Variants in NTPCR observed in about 807,000 individuals in gnomAD.
The protein encoded by NTPCR is cancer-related nucleoside-triphosphatase.
NTPCR carries 15 observed loss-of-function variants against 19.5 expected under a neutral mutation model. The observed-to-expected ratio is 0.77, with a 90% CI of 0.51 to 1.18. The LOEUF is 1.18. Ranked by LOEUF, NTPCR falls within the 50% of genes most tolerant of loss-of-function variation. The pLI is 0.00. For synonymous variants in NTPCR, 90 were observed against 95.8 expected (o/e 0.94, Z 0.36); for missense variants, 206 against 240.4 (o/e 0.86, Z 0.95).
intron 4 of NTPCR, among the ~76,000 whole-genome samples, chr1:232,975,891 TG>T (rs1274738139): frequency 6.6e-6 from 1 of 152,260 alleles, no homozygotes; most frequent in Non-Finnish European, 1.5e-5. Context: ...ACCAAAATTC[TG>T]GCTGTTGAAT....
At chr1:232,951,023 G>A (rs1668350861) in intron 1 of NTPCR, 2 of 451,954 alleles carry the variant, frequency 4.4e-6, no homozygotes, top group South Asian at 7.0e-5. Context: ...AGCGGCAGCG[G>A]TAACTCCTAC....
chr1:232,976,363 G>T, intron 4 of NTPCR: 1 of 1,547,126 alleles, frequency 6.5e-7, no homozygotes, highest in Non-Finnish European at 8.7e-7. Context: ...TGTCATAGAA[G>T]ACCAGAGCAA....
At chr1:232,962,789 A>G (rs929441086) in intron 3 of NTPCR, 5 of 152,210 alleles carry the variant, frequency 3.3e-5, no homozygotes, top group African/African-American at 4.8e-5. Context: ...TCTTTAAAGT[A>G]TATTTGTTTT....
intron 4 of NTPCR, chr1:232,976,315 T>C (rs1204469092): frequency 2.7e-6 from 4 of 1,470,116 alleles, no homozygotes; most frequent in Non-Finnish European, 3.6e-6. Flanking sequence ...TCTTGAAATA[T>C]ACACTACCTT....
intron 3 of NTPCR, among the ~76,000 whole-genome samples, chr1:232,958,710 A>T (rs1008410882): frequency 3.9e-5 from 6 of 152,182 alleles, no homozygotes; most frequent in Non-Finnish European, 1.5e-5. Context: ...GGGAGCAGAG[A>T]ACATGGTACT....
intron 3 of NTPCR, among the ~76,000 whole-genome samples, chr1:232,960,161 C>G (rs575234990): frequency 7.5e-6 from 1 of 132,522 alleles, no homozygotes; most frequent in Admixed American, 8.7e-5. Context: ...TGGCAGTGAG[C>G]TAAGATGGCA....
intron 4 of NTPCR, among the ~76,000 whole-genome samples, chr1:232,970,644 C>T (rs1016367018): frequency 1.3e-5 from 2 of 152,130 alleles, no homozygotes; most frequent in African/African-American, 4.8e-5. Flanking sequence ...CTGCATTGCT[C>T]AGAACAGTAG....
intron 3 of NTPCR, among the ~76,000 whole-genome samples, chr1:232,956,752 C>G (rs556499409): frequency 2.0e-5 from 3 of 152,238 alleles, no homozygotes; most frequent in Admixed American, 2.0e-4. Context: ...GGTTTCACAG[C>G]ACAACAAACA....
intron 3 of NTPCR, chr1:232,963,935 AG>A (rs1345498315): frequency 6.6e-6 from 1 of 152,028 alleles, no homozygotes; most frequent in Non-Finnish European, 1.5e-5. Context: ...GCAATCATCA[AG>A]GTACTTTACT....
rs772640775 is a variant in NTPCR, at chr1:232,950,718, G to A, written c.8G>A (p.Arg3Gln). ...CTACCCCCGCCCACCAGTATGGCCC[G>A]GCACGTGTTCCTAACGGGGCCCCCA... MARHVFLTGPPGV... is the reference protein window; with the variant it reads MAQHVFLTGPPGV... Residue 3 changes from arginine to glutamine, a missense_variant, in exon 1 of 5, where the codon CGG becomes CAG. Transcript: ENST00000366628. The A allele has an allele frequency of 1.2e-6, 2 of 1,604,550 alleles. No homozygotes were observed. Among genetic ancestry groups the A allele is most frequent in the South Asian group, 2.2e-5 (2 of 90,406 alleles).
intron 4 of NTPCR, among the ~76,000 whole-genome samples, chr1:232,973,109 C>T (rs978055782): frequency 4.6e-5 from 7 of 152,166 alleles, no homozygotes; most frequent in Middle Eastern, 3.4e-3. Context: ...GCTGAACATG[C>T]GTAGTGTGAA....
At chr1:232,950,768 TC>T in intron 1 of NTPCR, 24 bp downstream of exon 1, 1 of 1,562,982 alleles carries the variant, frequency 6.4e-7, no homozygotes. Flanking sequence ...GATCCCCACC[TC>T]CAAGAGGTCG....
chr1:232,960,213 CA>C (rs755184503), intron 3 of NTPCR, among the ~76,000 whole-genome samples: 1,004 of 27,452 alleles, frequency 0.037, 3 homozygotes, highest in African/African-American at 0.11. Flanking sequence ...GACTCCATCT[CA>C]AAAAAAAAAA....
At chr1:232,967,310 C>T (rs1213214971) in intron 3 of NTPCR, 3 of 152,178 alleles carry the variant, frequency 2.0e-5, no homozygotes, top group East Asian at 3.8e-4. Context: ...CAGAGTGGCT[C>T]AGCAGCTGAC....
chr1:232,970,181 G>A (rs1308633990), intron 4 of NTPCR, 63 bp downstream of exon 4: 24 of 1,311,188 alleles, frequency 1.8e-5, no homozygotes, highest in Non-Finnish European at 2.2e-5. Context: ...ATAGCAGATG[G>A]CTCTAAAATA....
rs1422114112 is a variant in NTPCR at position 232,981,473 on chromosome 1, G to C, written c.*3242G>C. ...TAGCATAGTGACTTGGGACAAAACAGCATGGTAGATGAGGCTGGAGACGGG... is the reference window on the plus strand; with the variant it reads ...TAGCATAGTGACTTGGGACAAAACACCATGGTAGATGAGGCTGGAGACGGG... On this transcript the variant is annotated 3_prime_UTR_variant, in exon 5 of 5. Transcript: ENST00000366628. 1 of 152,256 alleles carries C rather than the reference G, an allele frequency of 6.6e-6. No homozygotes were observed. Among genetic ancestry groups the C allele is most frequent in the African/African-American group, 2.4e-5 (1 of 41,464 alleles). The allele number at this position is 152,256 out of a possible 1,614,324, so 9.4% of individuals were successfully genotyped here.
chr1:232,955,696 C>T lies in NTPCR; in HGVS notation c.174C>T (p.Thr58=). 1 of 1,613,876 alleles carries T rather than the reference C, an allele frequency of 6.2e-7. No individual in the cohort carries two copies. The highest frequency in any genetic ancestry group is 8.5e-7 in the Non-Finnish European group (1 of 1,179,922). Residue 58 remains threonine (T), a synonymous_variant, in exon 2 of 5, where the codon ACC becomes ACT. Transcript: ENST00000366628. ...TCGATGTCGTCACGTTGTCCGGCAC[C>T]CGGGGGCCTTTATCGAGAGTTGGGT... ...IGFDVVTLSG[T]RGPLSRVGLE...
rs575769270 is a variant in NTPCR at position 232,982,905 on chromosome 1, C to T, written c.*4674C>T. The T allele has an allele frequency of 2.1e-4, 32 of 152,344 alleles. No individual in the cohort carries two copies. Among genetic ancestry groups the T allele is most frequent in the African/African-American group, 7.7e-4 (32 of 41,572 alleles). 9.4% of individuals were successfully genotyped at this position (152,344 alleles called of 1,614,324 possible). A position where few individuals can be genotyped will look rare whatever the true frequency, so the allele number is the denominator to read the frequency against. On this transcript the variant is annotated 3_prime_UTR_variant, in exon 5 of 5. Coordinates refer to ENST00000366628, the MANE Select transcript of NTPCR (RefSeq NM_032324.3). ...CTGCCAGCCAAGTTTAATTTGGCCA[C>T]CTTAGAGAACTGCAGCAAGGCCCTA... is the stretch of plus-strand genomic sequence containing the variant.
chr1:232,976,739 C>T (rs546402942), intron 4 of NTPCR: 14 of 588,412 alleles, frequency 2.4e-5, no homozygotes, highest in South Asian at 1.4e-4. Flanking sequence ...GATCACGGGA[C>T]TGACGCAGCC....
Sources: allele counts gnomAD v4.1 joint callset (sites outside exome capture counted in the v4.1 genomes callset), GRCh38; gene constraint gnomAD v4.1.1; transcripts MANE v1.5; gene names NCBI Gene and HGNC (gene_info 2026-07-23, HGNC 2026-07-21).